Variants in NDST4 observed in about 807,000 individuals in gnomAD.
The protein encoded by NDST4 is N-deacetylase and N-sulfotransferase 4.
A neutral mutation model predicts 100.8 loss-of-function variants in NDST4; 63 were observed. That is an observed-to-expected ratio of 0.62 (90% confidence interval 0.51 to 0.77). The LOEUF is 0.77. Among genes scored for constraint, NDST4 ranks in the 30% least tolerant of loss-of-function variants. The probability of loss-of-function intolerance (pLI) is 0.00; values close to 1 mark genes in which losing one functional copy is unlikely to be tolerated. For synonymous variants in NDST4, 377 were observed against 361.8 expected, an observed-to-expected ratio of 1.04 and a Z score of -0.48; for missense variants, 943 against 1,018.4, an observed-to-expected ratio of 0.93 and a Z score of 1.01.
At chr4:114,853,983 G>A (rs1371008240) in intron 7 of NDST4, among the ~76,000 whole-genome samples, 3 of 150,762 alleles carry the variant, frequency 2.0e-5, no homozygotes, top group Non-Finnish European at 4.4e-5. Context: ...CTAATTTTAT[G>A]CTTTTGTTAT....
intron 4 of NDST4, among the ~76,000 whole-genome samples, chr4:114,970,084 A>T (rs1212688110): frequency 6.6e-6 from 1 of 151,740 alleles, no homozygotes; most frequent in Non-Finnish European, 1.5e-5. Flanking sequence ...GCAATAAATT[A>T]TTTTTGAATG....
intron 6 of NDST4, among the ~76,000 whole-genome samples, chr4:114,884,964 A>C (rs1023400301): frequency 1.3e-5 from 2 of 152,174 alleles, no homozygotes; most frequent in African/African-American, 4.8e-5. Flanking sequence ...CAGTTTATAC[A>C]TAAGATGATC....
intron 2 of NDST4, among the ~76,000 whole-genome samples, chr4:115,033,714 C>A (rs557402044): frequency 2.0e-5 from 3 of 152,002 alleles, no homozygotes; most frequent in African/African-American, 7.2e-5. Flanking sequence ...ACAATATAAA[C>A]CATTAGTGGC....
intron 3 of NDST4, among the ~76,000 whole-genome samples, chr4:114,972,339 G>C (rs1319592591): frequency 6.6e-6 from 1 of 151,924 alleles, no homozygotes. Flanking sequence ...TCTTTGAAAG[G>C]TATAAGGACC....
At chr4:115,045,970 G>A (rs552353213) in intron 2 of NDST4, among the ~76,000 whole-genome samples, 2 of 152,116 alleles carry the variant, frequency 1.3e-5, no homozygotes, top group East Asian at 1.9e-4. Flanking sequence ...CATATTTACC[G>A]GAAGGTACGC....
intron 2 of NDST4, among the ~76,000 whole-genome samples, chr4:114,999,558 C>G (rs1171041177): frequency 6.6e-6 from 1 of 152,016 alleles, no homozygotes; most frequent in Non-Finnish European, 1.5e-5. Context: ...TAAGAAAACT[C>G]TTACTGGACA....
chr4:114,870,398 G>A (rs1184884172), intron 7 of NDST4, among the ~76,000 whole-genome samples: 1 of 151,980 alleles, frequency 6.6e-6, no homozygotes, highest in Non-Finnish European at 1.5e-5. Flanking sequence ...AGATTCCAGT[G>A]GCTCTAGGTT....
At chr4:115,100,988 C>T (rs1215307385) in intron 1 of NDST4, among the ~76,000 whole-genome samples, 4 of 151,742 alleles carry the variant, frequency 2.6e-5, no homozygotes, top group Non-Finnish European at 5.9e-5. Context: ...TATTTTTGTC[C>T]CATCACATAA....
chr4:115,096,512 T>C (rs1035586282), intron 1 of NDST4, among the ~76,000 whole-genome samples: 8 of 152,190 alleles, frequency 5.3e-5, no homozygotes, highest in Middle Eastern at 3.4e-3. Context: ...AGGATTTTCA[T>C]AAGCACTCAA....
intron 3 of NDST4, among the ~76,000 whole-genome samples, chr4:114,976,028 T>G (rs1359989948): frequency 6.6e-6 from 1 of 152,092 alleles, no homozygotes; most frequent in African/African-American, 2.4e-5. Flanking sequence ...ATTTTCCTTC[T>G]ATTACTTTAA....
intron 1 of NDST4, among the ~76,000 whole-genome samples, chr4:115,103,992 T>A (rs1729788303): frequency 6.6e-6 from 1 of 152,170 alleles, no homozygotes; most frequent in Non-Finnish European, 1.5e-5. Context: ...TACTTATGGA[T>A]CCTTTAAAAG....
chr4:114,939,478 G>T (rs1475013812), intron 4 of NDST4, among the ~76,000 whole-genome samples: 2 of 152,106 alleles, frequency 1.3e-5, no homozygotes, highest in Non-Finnish European at 1.5e-5. Context: ...TAATCACTTT[G>T]TTAGTCCTCA....
intron 4 of NDST4, among the ~76,000 whole-genome samples, chr4:114,969,502 T>TCCATGTGTCCAGGC (rs1252077059): frequency 2.0e-5 from 3 of 152,264 alleles, no homozygotes; most frequent in Non-Finnish European, 2.9e-5. Flanking sequence ...GGGTTTGGTG[T>TCCATGTGTCCAGGC]TCCCTTCTTT....
At chr4:114,931,755 A>C (rs944794407) in intron 6 of NDST4, among the ~76,000 whole-genome samples, 17 of 151,864 alleles carry the variant, frequency 1.1e-4, no homozygotes, top group African/African-American at 4.1e-4. Flanking sequence ...GAAACAGATA[A>C]ATTCCCAGAA....
At chr4:114,866,171 C>T (rs181072881) in intron 7 of NDST4, among the ~76,000 whole-genome samples, 198 of 152,314 alleles carry the variant, frequency 1.3e-3, no homozygotes, top group African/African-American at 4.6e-3. Context: ...TCACAGATCA[C>T]TCTTTCGTTA....
rs1378468881 is a variant in NDST4 at position 114,839,524 on chromosome 4, C to T, written c.2140G>A (p.Ala714Thr). The T allele has an allele frequency of 6.2e-7, 1 of 1,613,334 alleles. No homozygotes were observed. The highest frequency in any genetic ancestry group is 8.5e-7 in the Non-Finnish European group (1 of 1,179,760). ...YQHQRSHEDP[A>T]ALRFNFYEVI... ...TCATAGAAATTGAACCTCAGAGCAG[C>T]TGGATCTTCATGTGATCGTTGGTGC... Residue 714 changes from alanine to threonine, a missense_variant, in exon 11 of 14, where the codon GCT (alanine) becomes ACT (threonine). By Grantham distance (58) the Ala-to-Thr change is moderately conservative. Coordinates refer to ENST00000264363, the MANE Select transcript of NDST4 (RefSeq NM_022569.3).
At chr4:114,939,600 G>T (rs1378309430) in intron 4 of NDST4, among the ~76,000 whole-genome samples, 1 of 149,034 alleles carries the variant, frequency 6.7e-6, no homozygotes, top group Non-Finnish European at 1.5e-5. Context: ...AAAAAGTATT[G>T]AAATATCAAA....
intron 4 of NDST4, among the ~76,000 whole-genome samples, chr4:114,965,653 C>T (rs936110803): frequency 6.6e-6 from 1 of 151,952 alleles, no homozygotes; most frequent in Non-Finnish European, 1.5e-5. Flanking sequence ...TTGATACTTA[C>T]CCCTTCAGGA....
chr4:114,870,673 T>A (rs1724128275), intron 7 of NDST4, 95 bp downstream of exon 7: 7 of 986,192 alleles, frequency 7.1e-6, no homozygotes, highest in Non-Finnish European at 9.8e-6. Context: ...TAAATTCCAG[T>A]TTTAATATGT....
Sources: gnomAD v4.1 joint callset for allele counts (sites outside exome capture counted in the v4.1 genomes callset) on GRCh38, gnomAD v4.1.1 for gene constraint, MANE v1.5 for transcripts, NCBI Gene and HGNC (gene_info 2026-07-23, HGNC 2026-07-21) for gene names.